The following GAD2 variants were observed in gnomAD, a reference collection of about 807,000 sequenced individuals.
GAD2 encodes the protein glutamate decarboxylase 2, also known as 65 kDa glutamic acid decarboxylase.
Under a neutral mutation model 80.1 loss-of-function variants are expected in GAD2, and 22 were observed. That is an observed-to-expected ratio of 0.27 (90% confidence interval 0.20 to 0.39). GAD2 has a LOEUF of 0.39. Ranked by LOEUF, GAD2 falls within the 10% of genes least tolerant of loss-of-function variation. The pLI, the probability that GAD2 is intolerant of heterozygous loss-of-function variation, is 1.00. For synonymous variants in GAD2, 274 were observed against 256.9 expected (o/e 1.07, Z -0.64); for missense variants, 624 against 738.4 (o/e 0.85, Z 1.80).
intron 12 of GAD2, among the ~76,000 whole-genome samples, chr10:26,284,063 G>T: frequency 6.6e-6 from 1 of 152,214 alleles, no homozygotes; most frequent in East Asian, 1.9e-4. Context: ...ATTAGTAAGG[G>T]TGTAGAAATG....
chr10:26,297,457 G>C (rs551573263), intron 15 of GAD2, among the ~76,000 whole-genome samples: 11 of 152,306 alleles, frequency 7.2e-5, no homozygotes, highest in African/African-American at 2.6e-4. Context: ...CTAAAGGACT[G>C]AAAAAGCTAA....
intron 7 of GAD2, among the ~76,000 whole-genome samples, chr10:26,242,498 A>G (rs147232757): frequency 3.4e-4 from 52 of 152,282 alleles, no homozygotes; most frequent in Non-Finnish European, 6.3e-4. Context: ...CATTTAAGCT[A>G]TCTTCACTGT....
rs961843454 is a variant in GAD2, at chr10:26,284,553, C to T, written c.1237-1792C>T. 7.2e-5 allele frequency among the ~76,000 whole-genome samples: 10 copies of T among 137,934 alleles called. No individual in the cohort carries two copies. In the East Asian group the frequency reaches 1.1e-3, roughly 16 times the overall value. The allele number at this position is 137,934 out of a possible 152,430, so 90.5% of individuals were successfully genotyped here. ...GTCATGTTGTACAGTAATGAGACTG[C>T]GGCTGTTCAGCTTTTTTTTTTTTTT... On this transcript the variant is annotated intron_variant, in intron 12 of 15. Coordinates refer to ENST00000376261, the MANE Select transcript of GAD2 (RefSeq NM_001134366.2).
At chr10:26,269,235 A>C (rs1589149042) in intron 9 of GAD2, 62 bp downstream of exon 9, 1 of 1,385,794 alleles carries the variant, frequency 7.2e-7, no homozygotes, top group East Asian at 2.4e-5. Flanking sequence ...CGGAGAACAA[A>C]ATGTGTTTTG....
rs770218244 is a variant in GAD2 at position 26,217,896 on chromosome 10, C to T, written c.191C>T (p.Pro64Leu). 1.2e-6 allele frequency: 2 copies of T among 1,608,312 alleles called. No individual in the cohort carries two copies. The highest frequency in any genetic ancestry group is 1.3e-5 in the African/African-American group (1 of 74,844). ...GCGGAGAGCGGCGGGAGCCAACCCCCGCGGGCCGCCGCCCGGAAGGCCGCC... is the reference window on the plus strand; with the variant it reads ...GCGGAGAGCGGCGGGAGCCAACCCCTGCGGGCCGCCGCCCGGAAGGCCGCC... The part of the protein sequence containing the change: ...KPAESGGSQP[P>L]RAAARKAACA... The change falls in exon 3 of 16, where the codon CCG (proline) becomes CTG (leucine). Residue 64 changes from proline to leucine, a missense_variant. By Grantham distance (98) the Pro-to-Leu change is moderately conservative. Coordinates refer to ENST00000376261, the MANE Select transcript of GAD2 (RefSeq NM_001134366.2). The surrounding 1 kb of genome is among the most constrained non-coding windows in gnomAD (Gnocchi z 4.9).
upstream of GAD2, chr10:26,216,762 C>T: frequency 6.4e-7 from 1 of 1,551,006 alleles, no homozygotes; most frequent in Non-Finnish European, 8.8e-7. The surrounding 1 kb of genome is among the most constrained non-coding windows in gnomAD (Gnocchi z 4.7). Context: ...CGAGGCAGCT[C>T]GCCCGCAGCT....
In GAD2 at chr10:26,238,236, A is replaced by G. The variant is rs940491718; in HGVS notation, c.841-7685A>G. 2.6e-5 allele frequency among the ~76,000 whole-genome samples: 4 copies of G among 152,206 alleles called. No individual in the cohort carries two copies. The East Asian group carries it at 7.7e-4, about 29-fold the overall frequency. ...CACATGCCACAGCTACACTTCTCAC[A>G]TCAATTCTGCCAAGAGAGGACTTCA... On this transcript the variant is annotated intron_variant, in intron 7 of 15. Coordinates refer to ENST00000376261, the MANE Select transcript of GAD2 (RefSeq NM_001134366.2).
intron 7 of GAD2, among the ~76,000 whole-genome samples, chr10:26,233,882 G>A (rs992374477): frequency 7.2e-5 from 11 of 152,310 alleles, no homozygotes; most frequent in Admixed American, 3.3e-4. Flanking sequence ...GGTCAAGACA[G>A]ACGCTGCTTC....
intron 7 of GAD2, among the ~76,000 whole-genome samples, chr10:26,232,848 A>G (rs1317895105): frequency 6.6e-6 from 1 of 152,024 alleles, no homozygotes; most frequent in Non-Finnish European, 1.5e-5. Flanking sequence ...CCGTATAACA[A>G]CCATTTGACT....
At chr10:26,240,899 A>C (rs1844734018) in intron 7 of GAD2, among the ~76,000 whole-genome samples, 1 of 152,038 alleles carries the variant, frequency 6.6e-6, no homozygotes, top group South Asian at 2.1e-4. Context: ...AAAATTAGTC[A>C]GTCATGGTGG....
At chr10:26,297,863 A>G (rs1301883047) in intron 15 of GAD2, among the ~76,000 whole-genome samples, 1 of 152,158 alleles carries the variant, frequency 6.6e-6, no homozygotes, top group East Asian at 1.9e-4. Context: ...GGGGAAAGCT[A>G]TCCATATTTA....
At chr10:26,279,166 T>A (rs994365658) in intron 11 of GAD2, among the ~76,000 whole-genome samples, 1 of 152,026 alleles carries the variant, frequency 6.6e-6, no homozygotes, top group Non-Finnish European at 1.5e-5. Flanking sequence ...ACATTCACAG[T>A]GGGAGCAGTT....
At chr10:26,299,731 A>G (rs1031761700) in intron 15 of GAD2, among the ~76,000 whole-genome samples, 1 of 152,226 alleles carries the variant, frequency 6.6e-6, no homozygotes, top group Non-Finnish European at 1.5e-5. Flanking sequence ...GGAAATTAGC[A>G]TATAGTCAGA....
chr10:26,284,461 C>T (rs1256649687), intron 12 of GAD2, among the ~76,000 whole-genome samples: 1 of 151,464 alleles, frequency 6.6e-6, no homozygotes, highest in African/African-American at 2.4e-5. Flanking sequence ...ATAACTTTTT[C>T]ATGGCTCAGA....
intron 7 of GAD2, among the ~76,000 whole-genome samples, chr10:26,236,187 C>T (rs146270446): frequency 0.013 from 1,938 of 152,260 alleles, 17 homozygotes; most frequent in Middle Eastern, 0.024. Context: ...GATCATGGCT[C>T]GCTGAAGCTT....
intron 12 of GAD2, among the ~76,000 whole-genome samples, chr10:26,282,810 T>C (rs749944599): frequency 2.0e-5 from 3 of 152,216 alleles, no homozygotes; most frequent in Non-Finnish European, 4.4e-5. Context: ...GCACGCCTTC[T>C]GTGTCTTCAT....
chr10:26,254,412 G>C (rs944817944), intron 8 of GAD2, among the ~76,000 whole-genome samples: 1 of 152,212 alleles, frequency 6.6e-6, no homozygotes, highest in Non-Finnish European at 1.5e-5. Flanking sequence ...CTGACAGGAG[G>C]CGGGGCTCAG....
At chr10:26,283,777 G>A (rs1388271560) in intron 12 of GAD2, among the ~76,000 whole-genome samples, 1 of 152,138 alleles carries the variant, frequency 6.6e-6, no homozygotes, top group Non-Finnish European at 1.5e-5. Context: ...CTGAAGGGAG[G>A]ATGGCAGCCT....
Position 26,224,656 on chromosome 10 carries a change from A to G in GAD2, c.724+5A>G, listed in dbSNP as rs924617259. 4 of 1,582,896 alleles carry G rather than the reference A, an allele frequency of 2.5e-6. No individual in the cohort carries two copies. The highest frequency in any genetic ancestry group is 3.4e-5 in the Admixed American group (2 of 59,308). ...GCGATGGGATATTTTCTCCCGGTAC[A>G]TGATATTTCAACTTTCTTTGTGTTT... On this transcript the variant is annotated splice_donor_5th_base_variant and intron_variant, in intron 6 of 15. Coordinates refer to ENST00000376261, the MANE Select transcript of GAD2 (RefSeq NM_001134366.2).
Sources: allele counts gnomAD v4.1 joint callset (sites outside exome capture counted in the v4.1 genomes callset), GRCh38; gene constraint gnomAD v4.1.1; non-coding constraint Gnocchi (gnomAD v3.1); transcripts MANE v1.5; gene names NCBI Gene and HGNC (gene_info 2026-07-23, HGNC 2026-07-21).